The following CFAP46 variants were observed in gnomAD, a reference collection of about 807,000 sequenced individuals.
CFAP46 encodes the protein cilia- and flagella-associated protein 46.
A neutral mutation model predicts 325.7 loss-of-function variants in CFAP46; 245 were observed. That is an observed-to-expected ratio of 0.75 (90% CI 0.68 to 0.84). CFAP46 has a LOEUF of 0.84. Among genes scored for constraint, CFAP46 ranks in the 40% least tolerant of loss-of-function variants. The probability of loss-of-function intolerance (pLI) is 0.00; values close to 1 mark genes in which losing one functional copy is unlikely to be tolerated. For synonymous variants in CFAP46, 1,523 were observed against 1,495.9 expected (o/e 1.02, Z -0.42); for missense variants, 3,346 against 3,543.0 (o/e 0.94, Z 1.41).
chr10:132,913,305 CG>C, intron 17 of CFAP46, 47 bp from the exon 18 acceptor site: 1 of 1,254,604 alleles, frequency 8.0e-7, no homozygotes, highest in Non-Finnish European at 1.1e-6. Flanking sequence ...TCCCCAGCCC[CG>C]GGGCCAGGCA....
intron 27 of CFAP46, among the ~76,000 whole-genome samples, chr10:132,882,751 G>C (rs1237289365): frequency 6.6e-6 from 1 of 152,020 alleles, no homozygotes; most frequent in Non-Finnish European, 1.5e-5. Flanking sequence ...AGGAGGACGA[G>C]GAACCAGTGA....
chr10:132,823,173 GT>G (rs2134886399), intron 50 of CFAP46, among the ~76,000 whole-genome samples: 1 of 83,364 alleles, frequency 1.2e-5, no homozygotes. Flanking sequence ...GATGTGTGCT[GT>G]CTGTGCGCTG....
At position 132,942,521 on chromosome 10, in the gene CFAP46, C is replaced by G. The variant is rs1055819403; in HGVS notation, c.-37G>C. 55 of 1,256,580 alleles carry G rather than the reference C, an allele frequency of 4.4e-5. No homozygotes were observed. The highest frequency in any genetic ancestry group is 5.4e-5 in the Non-Finnish European group (54 of 1,001,208). The allele number at this position is 1,256,580 out of a possible 1,614,324, so 77.8% of individuals were successfully genotyped here. A position where few individuals can be genotyped will look rare whatever the true frequency, so the allele number is the denominator to read the frequency against. On this transcript the variant is annotated 5_prime_UTR_variant, in exon 1 of 58. Transcript: ENST00000368586. Reference sequence around the variant, plus strand: ...CCTGCTCGTCCGCTCTCTCCGGGGTCCGCGGTGCGTCCTGCCGCCCACTGT... The same window carrying G: ...CCTGCTCGTCCGCTCTCTCCGGGGTGCGCGGTGCGTCCTGCCGCCCACTGT...
chr10:132,924,819 C>T lies in CFAP46; in HGVS notation c.1133G>A (p.Arg378Gln), dbSNP rs534012793. 9.1e-5 allele frequency: 133 copies of T among 1,466,128 alleles called. No homozygotes were observed. Among genetic ancestry groups the T allele is most frequent in the East Asian group, 3.5e-4 (13 of 36,874 alleles). 90.8% of individuals were successfully genotyped at this position (1,466,128 alleles called of 1,614,324 possible). The change falls in exon 11 of 58, where the codon CGG (arginine) becomes CAG (glutamine). Residue 378 changes from arginine to glutamine, a missense_variant. Transcript: ENST00000368586. ...CGTGGCGCACACCACGTGGATGACC[C>T]GGGGGTCGCCCAGGCGCACGGCTCG... ...LQRAVRLGDP[R>Q]VIHVVCATQW... is the part of the protein sequence containing the mutation.
intron 22 of CFAP46, among the ~76,000 whole-genome samples, chr10:132,903,614 A>G (rs540990011): frequency 1.3e-5 from 2 of 152,386 alleles, no homozygotes; most frequent in South Asian, 4.1e-4. Context: ...CAACAGCTAA[A>G]AACAACTGTC....
chr10:132,912,599 T>TCTC (rs1183256169), intron 19 of CFAP46, 56 bp downstream of exon 19: 929 of 1,386,840 alleles, frequency 6.7e-4, no homozygotes, highest in Admixed American at 3.2e-3. Flanking sequence ...CTCTCTCTCC[T>TCTC]CTCTCCTCTC....
At chr10:132,907,700 C>T (rs2135518981) in intron 22 of CFAP46, among the ~76,000 whole-genome samples, 1 of 152,328 alleles carries the variant, frequency 6.6e-6, no homozygotes, top group African/African-American at 2.4e-5. Flanking sequence ...AATTCCCATG[C>T]TGGGCGATCC....
chr10:132,885,986 T>G, intron 25 of CFAP46, 27 bp from the exon 26 acceptor site: 1 of 1,546,692 alleles, frequency 6.5e-7, no homozygotes, highest in South Asian at 1.2e-5. Flanking sequence ...GGGGTGTCCT[T>G]GGAGCCGCCT....
In CFAP46 at chr10:132,851,249, G is replaced by C. The variant is rs546936160; in HGVS notation, c.5631C>G (p.Leu1877=). Residue 1877 remains leucine, a synonymous_variant, in exon 40 of 58, where the codon CTC becomes CTG. Transcript: ENST00000368586. The part of the protein sequence containing the change: ...MRKLARLKLG[L]VEMALDMLQF... ...GGAGCATGTCCAGAGCCATTTCCAC[G>C]AGGCCGAGCTTGAGGCGCGCCAGCT... is the stretch of plus-strand genomic sequence containing the variant. 3 of 1,613,940 alleles carry C rather than the reference G, an allele frequency of 1.9e-6. No individual in the cohort carries two copies. Among genetic ancestry groups the C allele is most frequent in the East Asian group, 2.2e-5 (1 of 44,898 alleles).
intron 39 of CFAP46, among the ~76,000 whole-genome samples, chr10:132,857,019 G>A (rs1376520840): frequency 6.6e-6 from 1 of 152,214 alleles, no homozygotes; most frequent in East Asian, 1.9e-4. Flanking sequence ...CCCCGACTGA[G>A]GCAAGGCCCT....
Position 132,808,395 on chromosome 10 carries a change from C to T in CFAP46, c.*26G>A, listed in dbSNP as rs1238791017. ...CACGGAAACCACTCACAGAGACTGGCTTTTGTTGTTTGTTTAGTGGAACAC... is the reference window on the plus strand; with the variant it reads ...CACGGAAACCACTCACAGAGACTGGTTTTTGTTGTTTGTTTAGTGGAACAC... On this transcript the variant is annotated 3_prime_UTR_variant, in exon 58 of 58. Coordinates refer to ENST00000368586, the MANE Select transcript of CFAP46 (RefSeq NM_001200049.3). This position sits in a 1 kb window ranked among gnomAD's most constrained non-coding sequence, Gnocchi z 6.8. 1.9e-6 allele frequency: 3 copies of T among 1,584,532 alleles called. No homozygotes were observed. Among genetic ancestry groups the T allele is most frequent in the Non-Finnish European group, 2.6e-6 (3 of 1,160,192 alleles).
intron 33 of CFAP46, 145 bp from the exon 34 acceptor site, chr10:132,867,652 A>G: frequency 1.8e-6 from 2 of 1,103,830 alleles, no homozygotes; most frequent in Non-Finnish European, 2.5e-6. Context: ...AATCCTCAGG[A>G]TCTAACGGCA....
chr10:132,920,182 ACTGAGG>A lies in CFAP46; in HGVS notation c.1607-6_1607-1del. On this transcript the variant is annotated splice_acceptor_variant and splice_polypyrimidine_tract_variant and intron_variant, in intron 13 of 57. Coordinates refer to ENST00000368586, the MANE Select transcript of CFAP46 (RefSeq NM_001200049.3). LOFTEE classifies it high-confidence loss of function. ...CCGGCCCCTGTTCTTCCCGGTGGAG[ACTGAGG>A]GCGGAAATGCAAAGGCAGGTGTTGC... 1 of 1,531,094 alleles carries A rather than the reference ACTGAGG, an allele frequency of 6.5e-7. No homozygotes were observed. Among genetic ancestry groups the A allele is most frequent in the Non-Finnish European group, 8.8e-7 (1 of 1,139,310 alleles). The allele number at this position is 1,531,094 out of a possible 1,614,324, so 94.8% of individuals were successfully genotyped here.
chr10:132,827,246 A>G lies in CFAP46; in HGVS notation c.7117+6112T>C, dbSNP rs1848072702. Among the ~76,000 whole-genome samples the G allele has an allele frequency of 6.6e-6, 1 of 152,084 alleles. No individual in the cohort carries two copies. Among genetic ancestry groups the G allele is most frequent in the African/African-American group, 2.4e-5 (1 of 41,402 alleles). ...GAGGGCGGCCGGAGGGACCAGCCAC[A>G]GTTCCGAGAAGGGGCTGACCGTGGC... On this transcript the variant is annotated intron_variant, in intron 50 of 57. Transcript: ENST00000368586. The surrounding 1 kb of genome is among the most constrained non-coding windows in gnomAD (Gnocchi z 5.7).
intron 27 of CFAP46, among the ~76,000 whole-genome samples, chr10:132,883,215 G>T (rs2135383456): frequency 6.6e-6 from 1 of 152,248 alleles, no homozygotes; most frequent in South Asian, 2.1e-4. Flanking sequence ...GAACGAGAAA[G>T]GGTTTGTAGA....
At chr10:132,841,471 C>A (rs1458415045) in intron 44 of CFAP46, among the ~76,000 whole-genome samples, 1 of 152,202 alleles carries the variant, frequency 6.6e-6, no homozygotes, top group East Asian at 1.9e-4. Flanking sequence ...GGGTGGGAGT[C>A]CAGTGCCTGA....
intron 50 of CFAP46, among the ~76,000 whole-genome samples, chr10:132,820,418 C>A (rs567242915): frequency 3.9e-5 from 6 of 152,318 alleles, no homozygotes; most frequent in African/African-American, 1.4e-4. Flanking sequence ...TCCGCTGACC[C>A]GCAGGGCAAA....
intron 22 of CFAP46, among the ~76,000 whole-genome samples, chr10:132,901,122 C>T (rs1415755406): frequency 6.6e-6 from 1 of 152,124 alleles, no homozygotes; most frequent in Non-Finnish European, 1.5e-5. Context: ...GAGGGTCTCC[C>T]GTACGTAGTT....
chr10:132,857,866 AC>A, intron 38 of CFAP46, 78 bp from the exon 39 acceptor site: 1 of 1,225,248 alleles, frequency 8.2e-7, no homozygotes, highest in African/African-American at 1.5e-5. Context: ...TTTCTATCAT[AC>A]TGTATATTTT....
Sources: allele counts gnomAD v4.1 joint callset (sites outside exome capture counted in the v4.1 genomes callset), GRCh38; gene constraint gnomAD v4.1.1; non-coding constraint Gnocchi (gnomAD v3.1); transcripts MANE v1.5; gene names NCBI Gene and HGNC (gene_info 2026-07-23, HGNC 2026-07-21).